SSBP2: variants seen among roughly 807,000 people sequenced by gnomAD.
The protein encoded by SSBP2 is single stranded DNA binding protein 2, also known as single-stranded DNA-binding protein 2.
Under a neutral mutation model 61.8 loss-of-function variants are expected in SSBP2, and 17 were observed. The observed-to-expected ratio is 0.28, with a 90% CI of 0.19 to 0.41. The LOEUF (loss-of-function observed/expected upper bound fraction) is 0.41, where lower values mean the gene tolerates loss of function less well. SSBP2 is among the 10% of genes least tolerant of loss of function. SSBP2 has a pLI of 1.00. For synonymous variants in SSBP2, 139 were observed against 141.3 expected, an observed-to-expected ratio of 0.98 and a Z score of 0.12; for missense variants, 310 against 458.7, an observed-to-expected ratio of 0.68 and a Z score of 2.96.
At chr5:81,749,832 C>A (rs1300504783) in intron 1 of SSBP2, among the ~76,000 whole-genome samples, 15 of 152,232 alleles carry the variant, frequency 9.9e-5, no homozygotes, top group Admixed American at 9.8e-4. Context: ...GCTCTGTTCT[C>A]GCCAGCCGCC....
intron 1 of SSBP2, among the ~76,000 whole-genome samples, chr5:81,652,656 T>C (rs941066985): frequency 3.9e-5 from 6 of 152,136 alleles, no homozygotes; most frequent in Admixed American, 1.3e-4. Flanking sequence ...GCAATCAGAA[T>C]CTATGCTCCA....
At chr5:81,698,644 T>C (rs367573075) in intron 1 of SSBP2, among the ~76,000 whole-genome samples, 1 of 152,116 alleles carries the variant, frequency 6.6e-6, no homozygotes, top group Admixed American at 6.6e-5. Flanking sequence ...AAACCCTGTC[T>C]CTACTAAAAA....
chr5:81,592,728 C>G (rs1486922045), intron 4 of SSBP2, among the ~76,000 whole-genome samples: 1 of 152,240 alleles, frequency 6.6e-6, no homozygotes, highest in African/African-American at 2.4e-5. Context: ...CTCAGGCAAA[C>G]AGGGTCTGGA....
At position 81,650,358 on chromosome 5, in the gene SSBP2, A is replaced by G. The variant is rs757878385; in HGVS notation, c.63-19T>C. On this transcript the variant is annotated intron_variant, in intron 1 of 16. Transcript: ENST00000320672. ...TGCTAACCTGGAAAACAAATAAAATATTTATTGAGAAGAGGAATATTAAAA... is the reference window on the plus strand; with the variant it reads ...TGCTAACCTGGAAAACAAATAAAATGTTTATTGAGAAGAGGAATATTAAAA... 6.1e-6 allele frequency: 9 copies of G among 1,475,240 alleles called. No individual in the cohort carries two copies. The Admixed American group carries it at 1.7e-4, about 29-fold the overall frequency. 91.4% of individuals were successfully genotyped at this position (1,475,240 alleles called of 1,614,324 possible).
chr5:81,609,424 A>G lies in SSBP2; in HGVS notation c.282+6049T>C, dbSNP rs76955312. 4.8e-4 allele frequency among the ~76,000 whole-genome samples: 73 copies of G among 152,320 alleles called. 3 individuals carry two copies. The East Asian group carries it at 0.014, about 29-fold the overall frequency. ...TAAACCTATACAGTATAGGGTTATTATCTGTATTACACTCATAGCAGTTAA... is the reference window on the plus strand; with the variant it reads ...TAAACCTATACAGTATAGGGTTATTGTCTGTATTACACTCATAGCAGTTAA... On this transcript the variant is annotated intron_variant, in intron 4 of 16. Coordinates refer to ENST00000320672, the MANE Select transcript of SSBP2 (RefSeq NM_012446.5).
At chr5:81,735,544 A>T (rs1756541971) in intron 1 of SSBP2, among the ~76,000 whole-genome samples, 2 of 152,352 alleles carry the variant, frequency 1.3e-5, no homozygotes, top group East Asian at 1.9e-4. Context: ...AACAGTTCTT[A>T]TACTGTATTG....
intron 3 of SSBP2, among the ~76,000 whole-genome samples, chr5:81,632,888 T>G (rs76875229): frequency 0.016 from 2,470 of 152,304 alleles, 58 homozygotes; most frequent in African/African-American, 0.057. Flanking sequence ...CTTCTGAATC[T>G]GAAACATTCT....
chr5:81,733,088 A>G (rs1044062730), intron 1 of SSBP2, among the ~76,000 whole-genome samples: 9 of 152,186 alleles, frequency 5.9e-5, no homozygotes, highest in Non-Finnish European at 8.8e-5. Context: ...ATTTCAATAA[A>G]CTTGTTTGTT....
chr5:81,672,843 G>A (rs1311821030), intron 1 of SSBP2, among the ~76,000 whole-genome samples: 1 of 151,452 alleles, frequency 6.6e-6, no homozygotes, highest in Admixed American at 6.6e-5. Flanking sequence ...CAAAGTGCTG[G>A]GATTACAGGC....
chr5:81,574,504 G>A (rs1408737974), intron 4 of SSBP2, among the ~76,000 whole-genome samples: 5 of 151,838 alleles, frequency 3.3e-5, no homozygotes, highest in Admixed American at 1.3e-4. Flanking sequence ...AGAGGCAGAA[G>A]TATAATATTT....
At chr5:81,451,686 C>T (rs1161965536) in intron 10 of SSBP2, among the ~76,000 whole-genome samples, 1 of 152,260 alleles carries the variant, frequency 6.6e-6, no homozygotes, top group African/African-American at 2.4e-5. Flanking sequence ...CTTGGCCTCC[C>T]AAAGTGTTGG....
chr5:81,581,537 A>T (rs1031541111), intron 4 of SSBP2, among the ~76,000 whole-genome samples: 1 of 152,220 alleles, frequency 6.6e-6, no homozygotes, highest in African/African-American at 2.4e-5. Context: ...GTAGAGAAAA[A>T]ATGGTAACTG....
intron 12 of SSBP2, chr5:81,443,318 A>G (rs1763156791): frequency 6.6e-6 from 1 of 152,184 alleles, no homozygotes; most frequent in South Asian, 2.1e-4. Flanking sequence ...TTGATTTATT[A>G]TAATAAAAAT....
chr5:81,633,351 A>G (rs13168854), intron 3 of SSBP2, among the ~76,000 whole-genome samples: 2 of 151,704 alleles, frequency 1.3e-5, no homozygotes, highest in Non-Finnish European at 2.9e-5. Context: ...CCTGATCTCA[A>G]GTGATCCACC....
chr5:81,506,651 A>C (rs192712703), intron 5 of SSBP2, among the ~76,000 whole-genome samples: 3 of 152,308 alleles, frequency 2.0e-5, no homozygotes, highest in Non-Finnish European at 4.4e-5. Context: ...TAATAACAGA[A>C]GGAAATTGAG....
intron 5 of SSBP2, among the ~76,000 whole-genome samples, chr5:81,507,988 T>C (rs1208403692): frequency 3.3e-5 from 5 of 152,194 alleles, no homozygotes; most frequent in Non-Finnish European, 5.9e-5. Flanking sequence ...CCTATTTATA[T>C]TGCAGGAATC....
At chr5:81,593,006 G>C (rs532549073) in intron 4 of SSBP2, among the ~76,000 whole-genome samples, 30 of 152,322 alleles carry the variant, frequency 2.0e-4, no homozygotes, top group East Asian at 1.7e-3. Context: ...ACTTTGACGA[G>C]TTGAGAGAAG....
rs1761384968 is a variant in SSBP2, at chr5:81,417,919, G to A, written c.*2585C>T. ...AAAAAAAAACGAATTTTACTTTTAG[G>A]TTAGAAATAATGGGGATCATGATGC... On this transcript the variant is annotated 3_prime_UTR_variant, in exon 17 of 17. Coordinates refer to ENST00000320672, the MANE Select transcript of SSBP2 (RefSeq NM_012446.5). 1 of 151,642 alleles carries A rather than the reference G, an allele frequency of 6.6e-6. No individual in the cohort carries two copies. The highest frequency in any genetic ancestry group is 2.1e-4 in the South Asian group (1 of 4,804). The allele number at this position is 151,642 out of a possible 1,614,324, so 9.4% of individuals were successfully genotyped here.
intron 4 of SSBP2, among the ~76,000 whole-genome samples, chr5:81,552,422 TG>T (rs1254039290): frequency 1.3e-5 from 2 of 152,084 alleles, no homozygotes; most frequent in African/African-American, 2.4e-5. Flanking sequence ...GTGGATCACT[TG>T]AGGACAGGAG....
Sources: gnomAD v4.1 joint callset for allele counts (sites outside exome capture counted in the v4.1 genomes callset) on GRCh38, gnomAD v4.1.1 for gene constraint, MANE v1.5 for transcripts, NCBI Gene and HGNC (gene_info 2026-07-23, HGNC 2026-07-21) for gene names.